ZSWIM4: variants seen among roughly 807,000 people sequenced by gnomAD.
ZSWIM4 encodes the protein zinc finger SWIM-type containing 4.
ZSWIM4 carries 62 observed loss-of-function variants against 102.5 expected under a neutral mutation model. The observed-to-expected ratio is 0.60, with a 90% CI of 0.49 to 0.75. The LOEUF (loss-of-function observed/expected upper bound fraction) is 0.75. Ranked by LOEUF, ZSWIM4 falls within the 30% of genes least tolerant of loss-of-function variation. ZSWIM4 has a pLI of 0.00. For synonymous variants in ZSWIM4, 652 were observed against 674.5 expected, an observed-to-expected ratio of 0.97 and a Z score of 0.52; for missense variants, 1,280 against 1,529.6, an observed-to-expected ratio of 0.84 and a Z score of 2.72.
rs759680324 is a variant in ZSWIM4 at position 13,828,691 on chromosome 19, T to C, written c.2426T>C (p.Met809Thr). Residue 809 changes from methionine to threonine, a missense_variant, in exon 13 of 14, where the codon ATG becomes ACG. Coordinates refer to ENST00000590508, the MANE Select transcript of ZSWIM4 (RefSeq NM_001367834.3). ...LNVMTWRRRE[M>T]VRWLVSCATE... ...GTAATGACCTGGCGGCGGAGGGAGATGGTGCGCTGGCTGGTCAGCTGTGCC... is the reference window on the plus strand; with the variant it reads ...GTAATGACCTGGCGGCGGAGGGAGACGGTGCGCTGGCTGGTCAGCTGTGCC... 6.2e-7 allele frequency: 1 copy of C among 1,614,078 alleles called. No individual in the cohort carries two copies.
chr19:13,807,367 G>A (rs1471450976), intron 3 of ZSWIM4, among the ~76,000 whole-genome samples: 1 of 152,012 alleles, frequency 6.6e-6, no homozygotes, highest in Admixed American at 6.6e-5. Context: ...TTGGGTGGGG[G>A]TGGATAAGTG....
At chr19:13,806,520 T>C (rs1412034783) in intron 3 of ZSWIM4, among the ~76,000 whole-genome samples, 1 of 151,466 alleles carries the variant, frequency 6.6e-6, no homozygotes, top group Non-Finnish European at 1.5e-5. Flanking sequence ...TAAACAAAAG[T>C]AGTTGGGCAT....
intron 2 of ZSWIM4, among the ~76,000 whole-genome samples, chr19:13,800,240 ATTTCTTTTTTTTTTTTTTTTTTT>A (rs1167349880): frequency 0.015 from 366 of 24,234 alleles, 11 homozygotes; most frequent in African/African-American, 0.034. Flanking sequence ...AATTTTTTGT[ATTTCTTTTTTTTTTTTTTTTTTT>A]TTTTTTTTTT....
intron 7 of ZSWIM4, among the ~76,000 whole-genome samples, chr19:13,816,163 G>A (rs1228505873): frequency 1.3e-5 from 2 of 152,054 alleles, no homozygotes; most frequent in Non-Finnish European, 2.9e-5. Flanking sequence ...AGAGCTAGTC[G>A]ATGGGGTTGA....
At chr19:13,800,064 G>GTTTTTTTTT (rs1370916128) in intron 2 of ZSWIM4, 143 bp downstream of exon 2, 24 of 417,134 alleles carry the variant, frequency 5.8e-5, no homozygotes, top group Middle Eastern at 6.5e-4. Context: ...GATTGTACAA[G>GTTTTTTTTT]ATTTTTTTTT....
In ZSWIM4 at chr19:13,830,629, C is replaced by T. The variant is rs752872409; in HGVS notation, c.2900C>T (p.Ala967Val). The change falls in exon 14 of 14, where the codon GCC becomes GTC. Residue 967 changes from alanine (A) to valine (V), a missense_variant. Coordinates refer to ENST00000590508, the MANE Select transcript of ZSWIM4 (RefSeq NM_001367834.3). Reference protein sequence around the residue: ...SHPAVNDVLWACSLSHSLGRH... With the variant: ...SHPAVNDVLWVCSLSHSLGRH... ...CCTGCCGTCAACGACGTGCTTTGGG[C>T]CTGCTCTCTCAGCCACTCCCTGGGC... 3.7e-6 allele frequency: 6 copies of T among 1,600,612 alleles called. No homozygotes were observed. Among genetic ancestry groups the T allele is most frequent in the Non-Finnish European group, 4.2e-6 (5 of 1,179,794 alleles).
intron 11 of ZSWIM4, among the ~76,000 whole-genome samples, chr19:13,823,769 G>T (rs1975532750): frequency 6.6e-6 from 1 of 152,192 alleles, no homozygotes; most frequent in Non-Finnish European, 1.5e-5. Flanking sequence ...GCCATGGAGT[G>T]GAATAAAACA....
intron 12 of ZSWIM4, among the ~76,000 whole-genome samples, chr19:13,828,118 C>T (rs2145380495): frequency 6.6e-6 from 1 of 152,266 alleles, no homozygotes; most frequent in African/African-American, 2.4e-5. Flanking sequence ...TTACTTCTCA[C>T]AACAATCAGG....
In ZSWIM4 at chr19:13,799,875, G is replaced by T; in HGVS notation, c.309G>T (p.Gly103=). ...EHDARVPFTR[G]LHLLQSGAVD... ...ATGCCCGGGTGCCCTTTACCCGCGG[G>T]CTGCACCTGCTCCAGAGCGGGGCCG... Residue 103 remains glycine, a synonymous_variant, in exon 2 of 14, where the codon GGG becomes GGT. Coordinates refer to ENST00000590508, the MANE Select transcript of ZSWIM4 (RefSeq NM_001367834.3). 1 of 1,613,244 alleles carries T rather than the reference G, an allele frequency of 6.2e-7. No individual in the cohort carries two copies. The highest frequency in any genetic ancestry group is 2.2e-5 in the East Asian group (1 of 44,876).
In ZSWIM4 at chr19:13,812,862, A is replaced by C. The variant is rs796290509; in HGVS notation, c.1013-135A>C. ...CAGTTTGCTTGTCTGTAAGGTGCAA[A>C]GGCTGCGAGTTGCAACTTCCGAGGG... On this transcript the variant is annotated intron_variant, in intron 5 of 13. Coordinates refer to ENST00000590508, the MANE Select transcript of ZSWIM4 (RefSeq NM_001367834.3). 3 of 893,710 alleles carry C rather than the reference A, an allele frequency of 3.4e-6. No homozygotes were observed. The African/African-American group carries it at 5.0e-5, about 15-fold the overall frequency. 55.4% of individuals were successfully genotyped at this position (893,710 alleles called of 1,614,324 possible).
rs775214843 is a variant in ZSWIM4 at position 13,830,857 on chromosome 19, C to A, written c.3128C>A (p.Thr1043Asn). Residue 1043 changes from threonine (T) to asparagine (N), a missense_variant, in exon 14 of 14, where the codon ACC becomes AAC. Thr to Asn is a moderately conservative substitution (Grantham distance 65). Transcript: ENST00000590508. ...GCGGCAGTCACCGCCTACATCACCA[C>A]CAGCCACTCGCGCCTCACGCACATC... ...LDAAVTAYIT[T>N]SHSRLTHISP... is the part of the protein sequence containing the mutation. The A allele has an allele frequency of 3.7e-6, 6 of 1,613,382 alleles. No individual in the cohort carries two copies. Among genetic ancestry groups the A allele is most frequent in the South Asian group, 1.1e-5 (1 of 91,018 alleles).
Position 13,817,991 on chromosome 19 carries a change from C to T in ZSWIM4, c.1924+15C>T. 1 of 1,478,510 alleles carries T rather than the reference C, an allele frequency of 6.8e-7. No homozygotes were observed. Among genetic ancestry groups the T allele is most frequent in the African/African-American group, 1.4e-5 (1 of 71,592 alleles). The allele number at this position is 1,478,510 out of a possible 1,614,324, so 91.6% of individuals were successfully genotyped here. ...GCTGCTGGAAGGTGAGGCCGCGCCC[C>T]TAGGCCTGGCTGTTGCTGAAGGGTA... is the stretch of plus-strand genomic sequence containing the variant. On this transcript the variant is annotated intron_variant, in intron 9 of 13. Coordinates refer to ENST00000590508, the MANE Select transcript of ZSWIM4 (RefSeq NM_001367834.3).
At chr19:13,796,260 A>G (rs376677467) in intron 1 of ZSWIM4, among the ~76,000 whole-genome samples, 67 of 146,784 alleles carry the variant, frequency 4.6e-4, no homozygotes, top group African/African-American at 1.7e-3. Flanking sequence ...TTCGCCAATC[A>G]GGGCACCCCA....
intron 9 of ZSWIM4, among the ~76,000 whole-genome samples, chr19:13,818,753 G>A (rs1975374722): frequency 6.6e-6 from 1 of 151,640 alleles, no homozygotes; most frequent in Admixed American, 6.6e-5. Flanking sequence ...TAGTAGAGAT[G>A]GGGTTTCCCC....
At chr19:13,798,951 G>T (rs1974682083) in intron 1 of ZSWIM4, among the ~76,000 whole-genome samples, 1 of 152,142 alleles carries the variant, frequency 6.6e-6, no homozygotes, top group South Asian at 2.1e-4. Flanking sequence ...ACCACACCTG[G>T]CTAATTTTTG....
rs1975320190 is a variant in ZSWIM4 at position 13,817,350 on chromosome 19, C to G, written c.1666C>G (p.Pro556Ala). ...RLEEETLTLYPDSGPEKRKVA... is the reference protein window; with the variant it reads ...RLEEETLTLYADSGPEKRKVA... ...GGAGGAGGAGACACTTACCCTTTACCCAGGTACTCACATGGGGTACTCTTG... is the reference window on the plus strand; with the variant it reads ...GGAGGAGGAGACACTTACCCTTTACGCAGGTACTCACATGGGGTACTCTTG... Residue 556 changes from proline (P) to alanine (A), a missense_variant, in exon 8 of 14, where the codon CCA becomes GCA. Physicochemically the swap from Pro to Ala is conservative, Grantham distance 27 (BLOSUM62 -1). Coordinates refer to ENST00000590508, the MANE Select transcript of ZSWIM4 (RefSeq NM_001367834.3). 1 of 1,612,892 alleles carries G rather than the reference C, an allele frequency of 6.2e-7. No individual in the cohort carries two copies. The highest frequency in any genetic ancestry group is 8.5e-7 in the Non-Finnish European group (1 of 1,179,296).
intron 1 of ZSWIM4, 50 bp from the exon 2 acceptor site, chr19:13,799,670 G>T (rs763570827): frequency 5.1e-6 from 8 of 1,570,126 alleles, no homozygotes; most frequent in Non-Finnish European, 7.0e-6. Flanking sequence ...TTCCCAAAGC[G>T]CTGGGATTAC....
At chr19:13,817,085 G>T in intron 7 of ZSWIM4, 131 bp from the exon 8 acceptor site, 1 of 1,307,538 alleles carries the variant, frequency 7.6e-7, no homozygotes, top group Non-Finnish European at 1.0e-6. Context: ...AAAGTTGAAG[G>T]TGACCATTGG....
At chr19:13,812,130 G>C (rs1024823246) in intron 5 of ZSWIM4, among the ~76,000 whole-genome samples, 17 of 152,040 alleles carry the variant, frequency 1.1e-4, no homozygotes, top group African/African-American at 4.1e-4. Flanking sequence ...AAATCTTAGC[G>C]TGCAGGCTAA....
Sources: gnomAD v4.1 joint callset for allele counts (sites outside exome capture counted in the v4.1 genomes callset) on GRCh38, gnomAD v4.1.1 for gene constraint, MANE v1.5 for transcripts, NCBI Gene and HGNC (gene_info 2026-07-23, HGNC 2026-07-21) for gene names.